Variants in ERI1 observed in about 807,000 individuals in gnomAD.
The protein encoded by ERI1 is exoribonuclease 1.
A neutral mutation model predicts 39.7 loss-of-function variants in ERI1; 39 were observed. The ratio of observed to expected loss-of-function variants is 0.98; its 90% CI spans 0.76 to 1.28. ERI1 has a LOEUF of 1.28. Ranked by LOEUF, ERI1 falls within the 50% of genes most tolerant of loss-of-function variation. The pLI, the probability that ERI1 is intolerant of heterozygous loss-of-function variation, is 0.00. For synonymous variants in ERI1, 204 were observed against 149.6 expected, an observed-to-expected ratio of 1.36 and a Z score of -2.65; for missense variants, 581 against 416.9, an observed-to-expected ratio of 1.39 and a Z score of -3.43.
At chr8:9,013,947 C>T (rs185644554) in intron 3 of ERI1, among the ~76,000 whole-genome samples, 8 of 152,280 alleles carry the variant, frequency 5.3e-5, no homozygotes, top group African/African-American at 1.4e-4. Flanking sequence ...TTACTGCATT[C>T]GCCACCTAAC....
chr8:9,067,824 A>G (rs932977435), intron 3 of ERI1, among the ~76,000 whole-genome samples: 4 of 145,858 alleles, frequency 2.7e-5, no homozygotes, highest in African/African-American at 9.7e-5. Flanking sequence ...CCCCAAGTCA[A>G]CAAACTCCTG....
At chr8:9,057,112 C>T (rs1798533044) in intron 3 of ERI1, among the ~76,000 whole-genome samples, 1 of 151,878 alleles carries the variant, frequency 6.6e-6, no homozygotes, top group African/African-American at 2.4e-5. Flanking sequence ...GGATTACAGG[C>T]CTGAGCCACC....
At chr8:9,055,114 C>A (rs1246323701) in intron 3 of ERI1, among the ~76,000 whole-genome samples, 1 of 152,080 alleles carries the variant, frequency 6.6e-6, no homozygotes, top group East Asian at 1.9e-4. Context: ...CCAGCACAGC[C>A]CCGTGGTGGA....
At chr8:9,053,885 C>A (rs1798431560) in intron 3 of ERI1, among the ~76,000 whole-genome samples, 1 of 152,244 alleles carries the variant, frequency 6.6e-6, no homozygotes, top group African/African-American at 2.4e-5. Context: ...ACGTTCAAAT[C>A]ATTGATAACA....
At chr8:9,060,603 C>G (rs1000603907) in intron 3 of ERI1, among the ~76,000 whole-genome samples, 3 of 152,104 alleles carry the variant, frequency 2.0e-5, no homozygotes, top group African/African-American at 7.2e-5. Flanking sequence ...ATGAAATGAC[C>G]ACAGAATAGA....
intron 3 of ERI1, chr8:9,062,561 C>G (rs917980195): frequency 1.4e-5 from 2 of 138,580 alleles, no homozygotes; most frequent in African/African-American, 4.9e-5. Flanking sequence ...GAAACAGGCC[C>G]TTGAAAAGAA....
At position 9,029,864 on chromosome 8, in the gene ERI1, T is replaced by G. The variant is rs758972657; in HGVS notation, c.880T>G (p.Cys294Gly). 2 of 1,614,090 alleles carry G rather than the reference T, an allele frequency of 1.2e-6. No homozygotes were observed. The highest frequency in any genetic ancestry group is 1.7e-6 in the Non-Finnish European group (2 of 1,180,026). Residue 294 changes from cysteine to glycine, a missense_variant, in exon 7 of 7, where the codon TGT becomes GGT. Physicochemically the swap from Cys to Gly is radical, Grantham distance 159 (BLOSUM62 -3). Coordinates refer to ENST00000250263, the MANE Select transcript of ERI1 (RefSeq NM_153332.4). ...LGMDYDGRPH[C>G]GLDDSKNIAR... Reference sequence around the variant, plus strand: ...AATGGATTATGATGGGCGGCCTCACTGTGGTCTTGATGACTCTAAGAATAT... The same window carrying G: ...AATGGATTATGATGGGCGGCCTCACGGTGGTCTTGATGACTCTAAGAATAT...
chr8:9,084,195 G>T (rs1384949876), intron 3 of ERI1, among the ~76,000 whole-genome samples: 1 of 152,130 alleles, frequency 6.6e-6, no homozygotes, highest in Non-Finnish European at 1.5e-5. Flanking sequence ...CTAGGAGTCG[G>T]AGGTTGCAGC....
chr8:9,085,953 A>C (rs945642627), intron 3 of ERI1, among the ~76,000 whole-genome samples: 11 of 152,138 alleles, frequency 7.2e-5, no homozygotes, highest in African/African-American at 2.7e-4. Context: ...GTGTGTGCAT[A>C]AGCATGCATG....
chr8:9,054,429 G>A (rs372183468), intron 3 of ERI1, among the ~76,000 whole-genome samples: 5 of 152,010 alleles, frequency 3.3e-5, no homozygotes, highest in East Asian at 1.9e-4. Context: ...GGATTGTAGC[G>A]ACAGAAAGGG....
At chr8:9,023,031 C>T (rs561790620) in intron 6 of ERI1, among the ~76,000 whole-genome samples, 1 of 152,284 alleles carries the variant, frequency 6.6e-6, no homozygotes, top group African/African-American at 2.4e-5. Context: ...ATCAAATAGT[C>T]ATAAATATTT....
chr8:9,098,400 A>G (rs1799944194), intron 3 of ERI1, among the ~76,000 whole-genome samples: 1 of 152,168 alleles, frequency 6.6e-6, no homozygotes, highest in Admixed American at 6.5e-5. Context: ...TTGAGCTGTA[A>G]TCTCAGCTAC....
chr8:9,043,208 T>C (rs1476220725), intron 3 of ERI1, among the ~76,000 whole-genome samples: 1 of 152,202 alleles, frequency 6.6e-6, no homozygotes, highest in Admixed American at 6.5e-5. Context: ...TCAAAACACT[T>C]GTGTCTTCTT....
intron 3 of ERI1, among the ~76,000 whole-genome samples, chr8:9,075,837 C>A (rs1030313546): frequency 3.3e-5 from 5 of 152,182 alleles, no homozygotes; most frequent in African/African-American, 1.2e-4. Context: ...CAAGGTCTTG[C>A]CATATGCCCA....
At chr8:9,065,502 T>G (rs1355391295) in intron 3 of ERI1, among the ~76,000 whole-genome samples, 1 of 151,970 alleles carries the variant, frequency 6.6e-6, no homozygotes, top group Non-Finnish European at 1.5e-5. Flanking sequence ...GAGACCATCT[T>G]GGCTAACGTG....
chr8:9,084,861 C>T (rs774268003), intron 3 of ERI1, among the ~76,000 whole-genome samples: 1 of 152,192 alleles, frequency 6.6e-6, no homozygotes, highest in Non-Finnish European at 1.5e-5. Flanking sequence ...GAGGTGTACA[C>T]AAGCACTTCA....
At chr8:9,051,720 T>C (rs1473241906) in intron 3 of ERI1, among the ~76,000 whole-genome samples, 3 of 152,066 alleles carry the variant, frequency 2.0e-5, no homozygotes, top group Non-Finnish European at 4.4e-5. Flanking sequence ...CTAGAACCAC[T>C]TCTTTAGTTT....
chr8:9,033,574 C>CAAT (rs10673409), downstream of ERI1, among the ~76,000 whole-genome samples: 133,556 of 152,098 alleles, frequency 0.88, 58,863 homozygotes, highest in Non-Finnish European at 0.92. Context: ...TGTTAAGGTA[C>CAAT]AATGATACTT....
At chr8:9,049,577 T>C (rs1440605212) in intron 3 of ERI1, among the ~76,000 whole-genome samples, 5 of 152,048 alleles carry the variant, frequency 3.3e-5, no homozygotes, top group Non-Finnish European at 7.4e-5. Flanking sequence ...TTATTTTTCT[T>C]AAATTGTGTG....
Sources: gnomAD v4.1 joint callset for allele counts (sites outside exome capture counted in the v4.1 genomes callset) on GRCh38, gnomAD v4.1.1 for gene constraint, MANE v1.5 for transcripts, NCBI Gene and HGNC (gene_info 2026-07-23, HGNC 2026-07-21) for gene names.